CCSER1: variants seen among roughly 807,000 people sequenced by gnomAD.
CCSER1 encodes coiled-coil serine rich protein 1.
A neutral mutation model predicts 82.0 loss-of-function variants in CCSER1; 41 were observed. That is an observed-to-expected ratio of 0.50 (90% CI 0.39 to 0.65). The LOEUF is 0.65. Ranked by LOEUF, CCSER1 falls within the 30% of genes least tolerant of loss-of-function variation. CCSER1 has a pLI of 0.00. For synonymous variants in CCSER1, 414 were observed against 383.9 expected (o/e 1.08, Z -0.92); for missense variants, 1,119 against 1,064.2 (o/e 1.05, Z -0.72).
At chr4:91,390,908 T>A (rs1578342979) in intron 10 of CCSER1, among the ~76,000 whole-genome samples, 1 of 152,198 alleles carries the variant, frequency 6.6e-6, no homozygotes, top group East Asian at 1.9e-4. Flanking sequence ...TTCCATGAGG[T>A]CTGTAGTTAT....
chr4:90,537,884 T>C (rs1044664842), intron 5 of CCSER1, among the ~76,000 whole-genome samples: 3 of 152,164 alleles, frequency 2.0e-5, no homozygotes, highest in African/African-American at 7.2e-5. Context: ...ATTTTCTTAT[T>C]GTCTCTTCTT....
At chr4:90,991,575 C>T (rs1395856440) in intron 9 of CCSER1, among the ~76,000 whole-genome samples, 1 of 151,902 alleles carries the variant, frequency 6.6e-6, no homozygotes. Context: ...ACATGGCATT[C>T]TCCTCCCTGT....
At position 91,159,646 on chromosome 4, in the gene CCSER1, G is replaced by A. The variant is rs532488870; in HGVS notation, c.2217+73652G>A. On this transcript the variant is annotated intron_variant, in intron 10 of 10. Transcript: ENST00000509176. Reference sequence around the variant, plus strand: ...ATAAATATTTTCCTTACATTCTTTAGTAGTTTGTCAGAAAGAATGTGCAGC... The same window carrying A: ...ATAAATATTTTCCTTACATTCTTTAATAGTTTGTCAGAAAGAATGTGCAGC... Among the ~76,000 whole-genome samples, 65 of 151,824 alleles carry A rather than the reference G, an allele frequency of 4.3e-4. 1 individual carries two copies. The highest frequency in any genetic ancestry group is 1.5e-3 in the African/African-American group (63 of 41,468).
At chr4:90,159,065 A>G (rs974139641) in intron 1 of CCSER1, among the ~76,000 whole-genome samples, 1 of 152,102 alleles carries the variant, frequency 6.6e-6, no homozygotes, top group African/African-American at 2.4e-5. Context: ...ATGTGGTCTC[A>G]CTGAGTCACT....
intron 10 of CCSER1, among the ~76,000 whole-genome samples, chr4:91,188,104 T>G (rs1734716228): frequency 6.6e-6 from 1 of 152,006 alleles, no homozygotes; most frequent in Admixed American, 6.6e-5. Context: ...TTATAAAAAT[T>G]TTATTAAAAA....
At chr4:90,323,340 G>A (rs2153488827) in intron 3 of CCSER1, among the ~76,000 whole-genome samples, 1 of 152,352 alleles carries the variant, frequency 6.6e-6, no homozygotes, top group South Asian at 2.1e-4. Context: ...TGAAGTTCTT[G>A]TGACCTGTCT....
intron 5 of CCSER1, among the ~76,000 whole-genome samples, chr4:90,492,100 TC>T (rs1768124902): frequency 6.6e-6 from 1 of 152,146 alleles, no homozygotes; most frequent in African/African-American, 2.4e-5. Flanking sequence ...TGGTGCCAGC[TC>T]CTCCTTGTAC....
At chr4:91,164,263 T>C (rs1347413902) in intron 10 of CCSER1, among the ~76,000 whole-genome samples, 2 of 152,220 alleles carry the variant, frequency 1.3e-5, no homozygotes, top group Non-Finnish European at 2.9e-5. Flanking sequence ...TGACCCCCAC[T>C]TTTTTCTGGC....
chr4:91,135,625 A>C (rs1214001977), intron 10 of CCSER1, among the ~76,000 whole-genome samples: 1 of 152,178 alleles, frequency 6.6e-6, no homozygotes, highest in Admixed American at 6.5e-5. Flanking sequence ...TGATTCATTA[A>C]GAAATATTAG....
At chr4:90,500,353 A>T (rs1769672155) in intron 5 of CCSER1, among the ~76,000 whole-genome samples, 1 of 149,584 alleles carries the variant, frequency 6.7e-6, no homozygotes, top group African/African-American at 2.5e-5. Context: ...TTTTTTTTTT[A>T]GACAGTTTTG....
chr4:90,290,554 A>T (rs548425528), intron 1 of CCSER1, among the ~76,000 whole-genome samples: 1 of 151,930 alleles, frequency 6.6e-6, no homozygotes, highest in African/African-American at 2.4e-5. Context: ...CTACATAAGT[A>T]CTTGTTTAGT....
chr4:91,470,056 T>G (rs1159838473), intron 10 of CCSER1, among the ~76,000 whole-genome samples: 1 of 152,196 alleles, frequency 6.6e-6, no homozygotes, highest in African/African-American at 2.4e-5. Flanking sequence ...AAAGTCCGAC[T>G]GTTAAATCTG....
At chr4:91,527,525 T>C (rs1760825629) in intron 10 of CCSER1, among the ~76,000 whole-genome samples, 1 of 152,176 alleles carries the variant, frequency 6.6e-6, no homozygotes, top group South Asian at 2.1e-4. Context: ...GGCATTAATG[T>C]GGCAATAGAA....
chr4:91,402,528 G>A (rs1442127310), intron 10 of CCSER1, among the ~76,000 whole-genome samples: 1 of 152,086 alleles, frequency 6.6e-6, no homozygotes. Context: ...ATGGTTTTAG[G>A]TCTAACATTT....
chr4:91,166,130 A>T (rs1330787934), intron 10 of CCSER1, among the ~76,000 whole-genome samples: 1 of 152,254 alleles, frequency 6.6e-6, no homozygotes, highest in Non-Finnish European at 1.5e-5. Context: ...GTTACATCAG[A>T]TACAGAAGTG....
intron 7 of CCSER1, among the ~76,000 whole-genome samples, chr4:90,770,795 C>T: frequency 6.6e-6 from 1 of 152,076 alleles, no homozygotes; most frequent in Non-Finnish European, 1.5e-5. Flanking sequence ...AAAAGCACAA[C>T]CACATGCAAA....
chr4:90,425,809 C>A (rs1757441189), intron 4 of CCSER1, among the ~76,000 whole-genome samples: 1 of 152,142 alleles, frequency 6.6e-6, no homozygotes, highest in Admixed American at 6.5e-5. Context: ...ACTTTTTCTA[C>A]ACACTAAACT....
At chr4:90,692,746 T>G (rs1736230516) in intron 6 of CCSER1, among the ~76,000 whole-genome samples, 1 of 151,944 alleles carries the variant, frequency 6.6e-6, no homozygotes, top group Non-Finnish European at 1.5e-5. Context: ...TAGACTTTAA[T>G]ACGTCAACCA....
At chr4:90,702,342 A>C (rs1738330440) in intron 6 of CCSER1, among the ~76,000 whole-genome samples, 1 of 152,126 alleles carries the variant, frequency 6.6e-6, no homozygotes, top group African/African-American at 2.4e-5. Context: ...ATGGTGGATA[A>C]GCTTTTTGAT....
Sources: allele counts gnomAD v4.1 joint callset (sites outside exome capture counted in the v4.1 genomes callset), GRCh38; gene constraint gnomAD v4.1.1; transcripts MANE v1.5; gene names NCBI Gene and HGNC (gene_info 2026-07-23, HGNC 2026-07-21).